MPP4: variants seen among roughly 807,000 people sequenced by gnomAD.
MPP4 encodes the protein MAGUK p55 scaffold protein 4.
In MPP4, 91 loss-of-function variants were observed where a neutral mutation model predicts 98.3. The ratio of observed to expected loss-of-function variants is 0.93; its 90% CI spans 0.78 to 1.10. The LOEUF (loss-of-function observed/expected upper bound fraction) is 1.10, where lower values mean the gene tolerates loss of function less well. Among genes scored for constraint, MPP4 ranks in the 50% least tolerant of loss-of-function variants. MPP4 has a pLI of 0.00. For synonymous variants in MPP4, 261 were observed against 271.8 expected, an observed-to-expected ratio of 0.96 and a Z score of 0.39; for missense variants, 744 against 792.9, an observed-to-expected ratio of 0.94 and a Z score of 0.74.
At chr2:201,650,891 C>G in intron 18 of MPP4, 1 of 985,362 alleles carries the variant, frequency 1.0e-6, no homozygotes, top group Non-Finnish European at 1.2e-6. Context: ...GACTCTTCAA[C>G]TTAAATAGTG....
chr2:201,683,563 A>G (rs933718037), intron 7 of MPP4, among the ~76,000 whole-genome samples: 2 of 152,150 alleles, frequency 1.3e-5, no homozygotes, highest in Non-Finnish European at 2.9e-5. Context: ...AGCCTTGCCA[A>G]CTTGATGACA....
intron 14 of MPP4, 61 bp from the exon 15 acceptor site, chr2:201,660,407 G>C: frequency 1.9e-6 from 3 of 1,577,332 alleles, no homozygotes; most frequent in Non-Finnish European, 2.6e-6. Flanking sequence ...AGAAGATCAT[G>C]TTAGCCATCA....
intron 8 of MPP4, among the ~76,000 whole-genome samples, chr2:201,681,983 T>TG (rs1688678221): frequency 6.6e-6 from 1 of 152,150 alleles, no homozygotes; most frequent in Non-Finnish European, 1.5e-5. Flanking sequence ...CCCAGTCTGA[T>TG]GGGGAAGAAG....
Position 201,685,114 on chromosome 2 carries a change from C to G in MPP4, c.524G>C (p.Gly175Ala). The change falls in exon 7 of 22, where the codon GGG (glycine) becomes GCG (alanine). Residue 175 changes from glycine to alanine, a missense_variant. By Grantham distance (60) the Gly-to-Ala change is moderately conservative. Coordinates refer to ENST00000409474, the MANE Select transcript of MPP4 (RefSeq NM_033066.3). ...GATGATCCTGGCCACCAAGATGTCC[C>G]CTGTCATCTCGTGGCGCTTGATGGT... ...GATIKRHEMT[G>A]DILVARIIHG... 1.2e-6 allele frequency: 2 copies of G among 1,611,932 alleles called. No homozygotes were observed. The highest frequency in any genetic ancestry group is 2.2e-5 in the East Asian group (1 of 44,826).
In MPP4 at chr2:201,656,373, G is replaced by A. The variant is rs561192436; in HGVS notation, c.1130-5C>T. 3.2e-6 allele frequency: 5 copies of A among 1,548,586 alleles called. No homozygotes were observed. The Admixed American group carries it at 7.9e-5, about 24-fold the overall frequency. ...GCATGCTGCGGCGGAAGCCAGCTAG[G>A]GAGGGGAAGTGCACAGAACGTAAGA... On this transcript the variant is annotated splice_region_variant and splice_polypyrimidine_tract_variant and intron_variant, in intron 16 of 21. Transcript: ENST00000409474.
At chr2:201,675,062 G>A in intron 11 of MPP4, 145 bp downstream of exon 11, 1 of 949,636 alleles carries the variant, frequency 1.1e-6, no homozygotes, top group Non-Finnish European at 1.6e-6. Context: ...CCTAATCTAG[G>A]GCCCTTCAAG....
chr2:201,683,342 G>A (rs916560512), intron 7 of MPP4, among the ~76,000 whole-genome samples: 3 of 152,306 alleles, frequency 2.0e-5, no homozygotes, highest in African/African-American at 7.2e-5. Context: ...AAACAGTGGA[G>A]TTGTCAGATA....
intron 21 of MPP4, 66 bp downstream of exon 21, chr2:201,647,625 C>T: frequency 1.3e-6 from 2 of 1,555,550 alleles, no homozygotes; most frequent in Non-Finnish European, 1.8e-6. Context: ...TTGGCCCAGC[C>T]CAACCCAGAT....
chr2:201,666,346 A>G lies in MPP4; in HGVS notation c.1039T>C (p.Cys347Arg), dbSNP rs1157197023. 3 of 1,556,924 alleles carry G rather than the reference A, an allele frequency of 1.9e-6. No homozygotes were observed. The highest frequency in any genetic ancestry group is 3.3e-4 in the Middle Eastern group (2 of 6,016). Residue 347 changes from cysteine to arginine, a missense_variant, in exon 13 of 22, where the codon TGT (cysteine) becomes CGT (arginine). Coordinates refer to ENST00000409474, the MANE Select transcript of MPP4 (RefSeq NM_033066.3). ...GAGAAAATGTTACCTGCTTCCACACATTTCTCATCAATCTTCATGTCATCT... is the reference window on the plus strand; with the variant it reads ...GAGAAAATGTTACCTGCTTCCACACGTTTCTCATCAATCTTCATGTCATCT... ...EEDDMKIDEK[C>R]VEADEETFES...
chr2:201,645,958 TAAAG>T (rs933383108), intron 21 of MPP4, among the ~76,000 whole-genome samples: 7 of 152,246 alleles, frequency 4.6e-5, no homozygotes, highest in South Asian at 2.1e-4. Flanking sequence ...ATTACTGAGA[TAAAG>T]AAATTTTAAT....
chr2:201,690,143 T>C (rs1688966652), intron 4 of MPP4, 59 bp downstream of exon 4: 1 of 1,110,722 alleles, frequency 9.0e-7, no homozygotes, highest in South Asian at 1.6e-5. Context: ...GAACTAGCAA[T>C]GTGGGGAAAA....
intron 8 of MPP4, among the ~76,000 whole-genome samples, chr2:201,682,466 G>A (rs558483877): frequency 6.6e-6 from 1 of 152,278 alleles, no homozygotes; most frequent in African/African-American, 2.4e-5. Context: ...GGAAGGAGTG[G>A]TTTGCTTGGG....
At chr2:201,682,003 T>C (rs943402007) in intron 8 of MPP4, among the ~76,000 whole-genome samples, 1 of 152,166 alleles carries the variant, frequency 6.6e-6, no homozygotes, top group Non-Finnish European at 1.5e-5. Context: ...GAGGGGCTCC[T>C]AAGTTTTCTG....
intron 18 of MPP4, chr2:201,651,715 A>G (rs903233818): frequency 7.6e-6 from 7 of 916,086 alleles, no homozygotes; most frequent in Non-Finnish European, 7.8e-6. Flanking sequence ...GCACTTTGGG[A>G]GGCCAAGGCG....
Position 201,684,534 on chromosome 2 carries a change from C to A in MPP4, c.574+530G>T, listed in dbSNP as rs2105941956. ...TAAACTGAGAGACTTTAATGTGGTA[C>A]CTAGAATGGGAAGGACTCAGTGAAG... is the stretch of plus-strand genomic sequence containing the variant. On this transcript the variant is annotated intron_variant, in intron 7 of 21. Coordinates refer to ENST00000409474, the MANE Select transcript of MPP4 (RefSeq NM_033066.3). Among the ~76,000 whole-genome samples the A allele has an allele frequency of 1.3e-5, 2 of 152,234 alleles. 1 individual carries two copies. The highest frequency in any genetic ancestry group is 4.1e-4 in the South Asian group (2 of 4,822).
At chr2:201,684,251 G>A (rs1688752969) in intron 7 of MPP4, among the ~76,000 whole-genome samples, 1 of 151,620 alleles carries the variant, frequency 6.6e-6, no homozygotes, top group Admixed American at 6.6e-5. Flanking sequence ...TAGAAGAACA[G>A]CAGTGAAAGG....
chr2:201,659,808 TG>T (rs969143976), intron 15 of MPP4, among the ~76,000 whole-genome samples: 6 of 152,356 alleles, frequency 3.9e-5, no homozygotes, highest in Admixed American at 2.0e-4. Context: ...CACTCCAGTC[TG>T]GGCAACAGAG....
At position 201,645,156 on chromosome 2, in the gene MPP4, T is replaced by G. The variant is rs537408244; in HGVS notation, c.*54A>C. ...ATACTGTTGTTTTAGATTGCAACTA[T>G]GGATCGCTGTATCAAGGGTACAGTG... On this transcript the variant is annotated 3_prime_UTR_variant, in exon 22 of 22. Transcript: ENST00000409474. The G allele has an allele frequency of 6.9e-7, 1 of 1,440,502 alleles. No individual in the cohort carries two copies. Among genetic ancestry groups the G allele is most frequent in the East Asian group, 2.3e-5 (1 of 42,840 alleles). The allele number at this position is 1,440,502 out of a possible 1,614,324, so 89.2% of individuals were successfully genotyped here.
chr2:201,660,406 T>C (rs774638981), intron 14 of MPP4, 60 bp from the exon 15 acceptor site: 142 of 1,581,768 alleles, frequency 9.0e-5, no homozygotes, highest in Non-Finnish European at 1.1e-4. Flanking sequence ...AAGAAGATCA[T>C]GTTAGCCATC....
Sources: allele counts gnomAD v4.1 joint callset (sites outside exome capture counted in the v4.1 genomes callset), GRCh38; gene constraint gnomAD v4.1.1; transcripts MANE v1.5; gene names NCBI Gene and HGNC (gene_info 2026-07-23, HGNC 2026-07-21).